FNBP1L: variants seen among roughly 807,000 people sequenced by gnomAD.
FNBP1L encodes formin-binding protein 1-like.
In FNBP1L, 36 loss-of-function variants were observed where a neutral mutation model predicts 91.2. The observed-to-expected ratio is 0.39, with a 90% CI of 0.30 to 0.52. The LOEUF (loss-of-function observed/expected upper bound fraction) is 0.52, where lower values mean the gene tolerates loss of function less well. FNBP1L is among the 20% of genes least tolerant of loss of function. The pLI is 0.66. For missense variants in FNBP1L, 571 were observed against 732.1 expected, an observed-to-expected ratio of 0.78 and a Z score of 2.54; for synonymous variants, 242 against 237.0, an observed-to-expected ratio of 1.02 and a Z score of -0.19.
chr1:93,534,900 A>C lies in FNBP1L; in HGVS notation c.982A>C (p.Lys328Gln). ...AKGKLWLFGK[K>Q]PKPQSPPLTP... ...GGGCAAATTGTGGCTCTTTGGAAAG[A>C]AGCCAAAGGTAAAAGTCATAAAATT... The change falls in exon 9 of 17, where the codon AAG becomes CAG. Residue 328 changes from lysine to glutamine, a missense_variant. Physicochemically the swap from Lys to Gln is moderately conservative, Grantham distance 53. Transcript: ENST00000271234. The C allele has an allele frequency of 1.3e-6, 2 of 1,565,248 alleles. No individual in the cohort carries two copies. Among genetic ancestry groups the C allele is most frequent in the Admixed American group, 1.9e-5 (1 of 52,918 alleles).
intron 2 of FNBP1L, among the ~76,000 whole-genome samples, chr1:93,503,638 C>G (rs935840781): frequency 6.6e-6 from 1 of 152,048 alleles, no homozygotes; most frequent in Admixed American, 6.6e-5. Flanking sequence ...AATAAAGCAT[C>G]TAATTACATT....
intron 7 of FNBP1L, among the ~76,000 whole-genome samples, 181 bp downstream of exon 7, chr1:93,531,064 C>T: frequency 6.6e-6 from 1 of 152,122 alleles, no homozygotes; most frequent in East Asian, 1.9e-4. Flanking sequence ...CACACATTTT[C>T]CTACGTATCT....
chr1:93,480,681 G>A (rs1185503872), intron 1 of FNBP1L, among the ~76,000 whole-genome samples: 2 of 151,914 alleles, frequency 1.3e-5, no homozygotes, highest in African/African-American at 2.4e-5. Context: ...CACCTCCTGG[G>A]TTCATGCCAT....
At chr1:93,476,485 G>T (rs894494768) in intron 1 of FNBP1L, among the ~76,000 whole-genome samples, 1 of 152,152 alleles carries the variant, frequency 6.6e-6, no homozygotes, top group African/African-American at 2.4e-5. Context: ...TAAGGATAGG[G>T]ATATTATGTG....
At chr1:93,519,624 A>C (rs1671252842) in intron 2 of FNBP1L, among the ~76,000 whole-genome samples, 1 of 152,204 alleles carries the variant, frequency 6.6e-6, no homozygotes, top group Non-Finnish European at 1.5e-5. Flanking sequence ...AATTATGTAC[A>C]TGTATTAGTG....
intron 2 of FNBP1L, among the ~76,000 whole-genome samples, chr1:93,509,085 GTGGTCA>G (rs1670728760): frequency 6.6e-6 from 1 of 152,158 alleles, no homozygotes. Flanking sequence ...ACCTTAATAT[GTGGTCA>G]CCGTGACCAC....
intron 1 of FNBP1L, among the ~76,000 whole-genome samples, chr1:93,453,600 C>A (rs1264261532): frequency 6.6e-6 from 1 of 152,096 alleles, no homozygotes; most frequent in African/African-American, 2.4e-5. Flanking sequence ...TCAACAAGTG[C>A]TGTCTTATTT....
chr1:93,541,677 T>C (rs1352809565), intron 11 of FNBP1L, among the ~76,000 whole-genome samples: 2 of 152,124 alleles, frequency 1.3e-5, no homozygotes, highest in Non-Finnish European at 1.5e-5. Context: ...CATTAGGAAC[T>C]AACCCCAAAA....
In FNBP1L at chr1:93,448,128, T is replaced by C; in HGVS notation, c.-154T>C. On this transcript the variant is annotated 5_prime_UTR_variant, in exon 1 of 17. Transcript: ENST00000271234. ...GGCGGAGGCTTCTCCAGTCGCGTCT[T>C]TCTCACTCACTGGGGAGCCCGGCGG... is the stretch of plus-strand genomic sequence containing the variant. The C allele has an allele frequency of 1.1e-6, 1 of 947,702 alleles. No homozygotes were observed. The highest frequency in any genetic ancestry group is 1.5e-6 in the Non-Finnish European group (1 of 651,222). The allele number at this position is 947,702 out of a possible 1,614,324, so 58.7% of individuals were successfully genotyped here.
At chr1:93,469,465 ATTATCT>A (rs1433469238) in intron 1 of FNBP1L, among the ~76,000 whole-genome samples, 2 of 152,078 alleles carry the variant, frequency 1.3e-5, no homozygotes, top group African/African-American at 4.8e-5. Flanking sequence ...TATGTGCCAC[ATTATCT>A]TTATCCAGTC....
At chr1:93,552,225 A>G in intron 16 of FNBP1L, 184 bp from the exon 17 acceptor site, 1 of 1,380,258 alleles carries the variant, frequency 7.2e-7, no homozygotes, top group Non-Finnish European at 9.4e-7. Context: ...TGGGGAAGTA[A>G]AGTGTGAAGA....
chr1:93,495,779 A>G (rs1670240527), intron 1 of FNBP1L, among the ~76,000 whole-genome samples: 1 of 152,342 alleles, frequency 6.6e-6, no homozygotes, highest in South Asian at 2.1e-4. Flanking sequence ...AATTTGAGCT[A>G]TATAGAAAGC....
At chr1:93,538,626 C>G (rs1193102341) in intron 10 of FNBP1L, among the ~76,000 whole-genome samples, 1 of 151,070 alleles carries the variant, frequency 6.6e-6, no homozygotes, top group African/African-American at 2.4e-5. Flanking sequence ...GATTTTTTTT[C>G]CACATAAGAA....
At chr1:93,497,930 A>T (rs895255779) in intron 1 of FNBP1L, among the ~76,000 whole-genome samples, 1 of 151,926 alleles carries the variant, frequency 6.6e-6, no homozygotes, top group East Asian at 1.9e-4. Flanking sequence ...ATAATATTTT[A>T]AAAGTCATTG....
intron 1 of FNBP1L, among the ~76,000 whole-genome samples, chr1:93,473,526 G>T (rs924642625): frequency 6.6e-6 from 1 of 152,118 alleles, no homozygotes; most frequent in Non-Finnish European, 1.5e-5. Flanking sequence ...ATCCTCTAGT[G>T]GGGGTCGTTT....
intron 1 of FNBP1L, among the ~76,000 whole-genome samples, chr1:93,449,061 C>T (rs1301487013): frequency 6.6e-6 from 1 of 152,252 alleles, no homozygotes; most frequent in Non-Finnish European, 1.5e-5. Flanking sequence ...AGCGTACGGT[C>T]TCCCTGTTGC....
chr1:93,458,400 G>A (rs898507283), intron 1 of FNBP1L, among the ~76,000 whole-genome samples: 1 of 152,158 alleles, frequency 6.6e-6, no homozygotes, highest in Non-Finnish European at 1.5e-5. Context: ...AAAGTGTTGG[G>A]ATTACAGGCA....
intron 15 of FNBP1L, 49 bp downstream of exon 15, chr1:93,549,475 A>G (rs1390174928): frequency 7.2e-7 from 1 of 1,396,020 alleles, no homozygotes; most frequent in African/African-American, 1.5e-5. Flanking sequence ...GTTCTTTAAA[A>G]GTATTTACAT....
intron 1 of FNBP1L, among the ~76,000 whole-genome samples, chr1:93,455,516 C>T (rs966828438): frequency 4.6e-5 from 7 of 152,196 alleles, no homozygotes; most frequent in Non-Finnish European, 7.3e-5. Flanking sequence ...TTATAAGGGA[C>T]TTGAGCATCC....
Sources: gnomAD v4.1 joint callset for allele counts (sites outside exome capture counted in the v4.1 genomes callset) on GRCh38, gnomAD v4.1.1 for gene constraint, MANE v1.5 for transcripts, NCBI Gene and HGNC (gene_info 2026-07-23, HGNC 2026-07-21) for gene names.